TTC34: variants seen among roughly 807,000 people sequenced by gnomAD.
The protein encoded by TTC34 is tetratricopeptide repeat domain 34, also known as tetratricopeptide repeat protein 34.
In TTC34, 44 loss-of-function variants were observed where a neutral mutation model predicts 40.7. The ratio of observed to expected loss-of-function variants is 1.08; its 90% CI spans 0.85 to 1.39. The LOEUF (loss-of-function observed/expected upper bound fraction) is 1.39. TTC34 is among the 40% of genes most tolerant of loss of function. TTC34 has a pLI of 0.00. For missense variants in TTC34, 884 were observed against 838.0 expected (o/e 1.05, Z -0.68); for synonymous variants, 422 against 398.6 (o/e 1.06, Z -0.70).
chr1:2,750,312 C>T (rs1302074393), intron 6 of TTC34, among the ~76,000 whole-genome samples: 2 of 8,308 alleles, frequency 2.4e-4, no homozygotes, highest in South Asian at 3.0e-3. Flanking sequence ...CAGACTGGAA[C>T]TGCACCCCCA....
At chr1:2,748,996 C>A (rs1441598795) in intron 6 of TTC34, among the ~76,000 whole-genome samples, 1 of 131,118 alleles carries the variant, frequency 7.6e-6, no homozygotes, top group Admixed American at 7.6e-5. Flanking sequence ...GGAACAGCAC[C>A]CACACGCCCA....
chr1:2,683,251 G>A (rs1640158069), intron 6 of TTC34, among the ~76,000 whole-genome samples: 7 of 147,628 alleles, frequency 4.7e-5, no homozygotes, highest in East Asian at 2.0e-4. Context: ...GCATCTGATG[G>A]TTTGCAGCAG....
chr1:2,687,742 C>T (rs535672689), intron 6 of TTC34, among the ~76,000 whole-genome samples: 112 of 123,514 alleles, frequency 9.1e-4, no homozygotes, highest in African/African-American at 3.3e-3. Context: ...GGTGAACATC[C>T]GACAGCCTGG....
At chr1:2,673,418 T>C (rs1363836350) in intron 6 of TTC34, among the ~76,000 whole-genome samples, 2 of 66,172 alleles carry the variant, frequency 3.0e-5, no homozygotes, top group Non-Finnish European at 6.8e-5. Flanking sequence ...ATCTGATGGT[T>C]TGCGGCAACA....
intron 6 of TTC34, among the ~76,000 whole-genome samples, chr1:2,694,010 C>T (rs1217315389): frequency 1.1e-5 from 1 of 93,626 alleles, no homozygotes; most frequent in Non-Finnish European, 2.3e-5. Flanking sequence ...ATCTGACCGC[C>T]TGGAACAGCA....
chr1:2,653,970 C>G (rs1018063921), intron 6 of TTC34, among the ~76,000 whole-genome samples: 37 of 151,208 alleles, frequency 2.4e-4, no homozygotes, highest in African/African-American at 8.4e-4. Flanking sequence ...GCACCCACAA[C>G]CACAGGTGAG....
At chr1:2,687,449 C>A (rs1260321320) in intron 6 of TTC34, among the ~76,000 whole-genome samples, 2 of 143,188 alleles carry the variant, frequency 1.4e-5, no homozygotes, top group African/African-American at 5.6e-5. Context: ...CCCACAACCA[C>A]AGGTGAGCAT....
At chr1:2,786,251 C>T (rs952390228) in intron 4 of TTC34, among the ~76,000 whole-genome samples, 1 of 152,202 alleles carries the variant, frequency 6.6e-6, no homozygotes, top group Admixed American at 6.5e-5. Context: ...TGTGCCATCA[C>T]CCCGATCCTC....
chr1:2,792,904 C>T (rs939170047), intron 2 of TTC34, among the ~76,000 whole-genome samples: 4 of 152,252 alleles, frequency 2.6e-5, no homozygotes, highest in Admixed American at 1.3e-4. Flanking sequence ...CATCTCACCT[C>T]ACACAACACC....
At position 2,687,098 on chromosome 1, in the gene TTC34, C is replaced by T. The variant is rs544955835; in HGVS notation, c.2227-41535G>A. 2.8e-5 allele frequency among the ~76,000 whole-genome samples: 4 copies of T among 142,784 alleles called. No individual in the cohort carries two copies. The East Asian group carries it at 6.2e-4, about 22-fold the overall frequency. The allele number at this position is 142,784 out of a possible 152,430, so 93.7% of individuals were successfully genotyped here. ...AGGACCCACACCCCCAGGTGAACAT[C>T]CGACATCGTGGAGTAGCACCCCACA... On this transcript the variant is annotated intron_variant, in intron 6 of 8. Coordinates refer to ENST00000401095, the Ensembl canonical transcript of TTC34.
chr1:2,683,918 A>G (rs1163435210), intron 6 of TTC34, among the ~76,000 whole-genome samples: 1 of 148,032 alleles, frequency 6.8e-6, no homozygotes, highest in Admixed American at 6.7e-5. Flanking sequence ...CCACACCTCC[A>G]GGTGAGCATC....
chr1:2,779,029 G>A (rs1044059338), intron 6 of TTC34, among the ~76,000 whole-genome samples: 5 of 152,140 alleles, frequency 3.3e-5, no homozygotes, highest in African/African-American at 9.7e-5. Context: ...TTGTCCTTTT[G>A]TGGTGGCTGC....
intron 6 of TTC34, among the ~76,000 whole-genome samples, chr1:2,652,560 C>CT (rs1639184594): frequency 1.1e-5 from 1 of 88,902 alleles, no homozygotes; most frequent in Non-Finnish European, 2.6e-5. Context: ...GAGCAGCACC[C>CT]ACACCCCCAG....
rs759384730 is a variant in TTC34, at chr1:2,789,086, A to AAAAAC, written c.1628+412_1628+416dup. ...GAGTAAGACTCCATCTCAAAGAACA[A>AAAAAC]AAAACAAAACAAAACAAAACAAACC... is the stretch of plus-strand genomic sequence containing the variant. On this transcript the variant is annotated intron_variant, in intron 3 of 8. Transcript: ENST00000401095. Among the ~76,000 whole-genome samples, 114 of 152,254 alleles carry AAAAAC rather than the reference A, an allele frequency of 7.5e-4. No individual in the cohort carries two copies. The Middle Eastern group carries it at 0.01, about 14-fold the overall frequency.
intron 5 of TTC34, 85 bp from the exon 6 acceptor site, chr1:2,783,860 A>T: frequency 7.8e-7 from 1 of 1,276,098 alleles, no homozygotes; most frequent in Non-Finnish European, 1.0e-6. Context: ...GGGAGGGCAG[A>T]GGGTGCATGA....
chr1:2,749,613 T>C (rs1448042255), intron 6 of TTC34, among the ~76,000 whole-genome samples: 574 of 20,054 alleles, frequency 0.029, 2 homozygotes, highest in African/African-American at 0.047. Flanking sequence ...CCCCCAGGTG[T>C]GCATGTGATG....
At chr1:2,762,125 A>G (rs1368077231) in intron 6 of TTC34, among the ~76,000 whole-genome samples, 1 of 16,910 alleles carries the variant, frequency 5.9e-5, no homozygotes, top group Non-Finnish European at 9.0e-5. Context: ...GGAGCAGCAC[A>G]CACAACCCCA....
intron 6 of TTC34, among the ~76,000 whole-genome samples, chr1:2,646,305 C>T (rs1639020691): frequency 6.6e-6 from 1 of 152,184 alleles, no homozygotes; most frequent in African/African-American, 2.4e-5. Context: ...CAGTAAATTC[C>T]ATTATTCCCA....
Position 2,695,054 on chromosome 1 carries a change from C to T in TTC34, c.2227-49491G>A, listed in dbSNP as rs542838294. Among the ~76,000 whole-genome samples, 32 of 61,754 alleles carry T rather than the reference C, an allele frequency of 5.2e-4. 2 individuals are homozygous for T. The highest frequency in any genetic ancestry group is 1.6e-3 in the African/African-American group (27 of 16,836). The allele number at this position is 61,754 out of a possible 152,430, so 40.5% of individuals were successfully genotyped here. On this transcript the variant is annotated intron_variant, in intron 6 of 8. Transcript: ENST00000401095. ...TGCACCCCCAGGTGAGCATCTGACACACTGAAACAGCACACACACCCCCAG... is the reference window on the plus strand; with the variant it reads ...TGCACCCCCAGGTGAGCATCTGACATACTGAAACAGCACACACACCCCCAG...
Sources: gnomAD v4.1 joint callset for allele counts (sites outside exome capture counted in the v4.1 genomes callset) on GRCh38, gnomAD v4.1.1 for gene constraint, MANE v1.5 for transcripts, NCBI Gene and HGNC (gene_info 2026-07-23, HGNC 2026-07-21) for gene names.